The following RUBCNL variants were observed in gnomAD, a reference collection of about 807,000 sequenced individuals.
The protein encoded by RUBCNL is protein associated with UVRAG as autophagy enhancer.
A neutral mutation model predicts 69.5 loss-of-function variants in RUBCNL; 62 were observed. The observed-to-expected ratio is 0.89, with a 90% CI of 0.73 to 1.10. The LOEUF (loss-of-function observed/expected upper bound fraction) is 1.10, where lower values mean the gene tolerates loss of function less well. RUBCNL is among the 50% of genes least tolerant of loss of function. The pLI is 0.00. For missense variants in RUBCNL, 768 were observed against 798.1 expected, an observed-to-expected ratio of 0.96 and a Z score of 0.45; for synonymous variants, 291 against 303.6, an observed-to-expected ratio of 0.96 and a Z score of 0.43.
chr13:46,342,798 C>G lies in RUBCNL; in HGVS notation c.*587G>C, dbSNP rs74338019. On this transcript the variant is annotated 3_prime_UTR_variant, in exon 15 of 15. Transcript: ENST00000429979. ...AAACTGCACTTCAACGGGACCCACA[C>G]GCCCTGCTAAGCAACTCAAACTCAT... 6.6e-6 allele frequency: 1 copy of G among 152,414 alleles called. No individual in the cohort carries two copies. 9.4% of individuals were successfully genotyped at this position (152,414 alleles called of 1,614,324 possible).
At chr13:46,368,619 A>T in intron 4 of RUBCNL, 114 bp downstream of exon 4, 1 of 1,303,494 alleles carries the variant, frequency 7.7e-7, no homozygotes, top group Non-Finnish European at 1.1e-6. Flanking sequence ...TCAAATGCTG[A>T]AAGGAAACCT....
At chr13:46,377,355 G>A (rs1264020957) in intron 2 of RUBCNL, among the ~76,000 whole-genome samples, 3 of 152,088 alleles carry the variant, frequency 2.0e-5, no homozygotes, top group African/African-American at 7.2e-5. Flanking sequence ...CCTCTGCCTC[G>A]TGGATTCAAG....
At chr13:46,386,791 G>A (rs929625254) in intron 1 of RUBCNL, among the ~76,000 whole-genome samples, 1 of 152,172 alleles carries the variant, frequency 6.6e-6, no homozygotes, top group African/African-American at 2.4e-5. Context: ...GAGGACGCAG[G>A]GCGCAGGCTT....
chr13:46,377,928 A>C lies in RUBCNL; in HGVS notation c.-161T>G. 6.2e-7 allele frequency: 1 copy of C among 1,610,096 alleles called. No individual in the cohort carries two copies. The highest frequency in any genetic ancestry group is 8.5e-7 in the Non-Finnish European group (1 of 1,178,546). On this transcript the variant is annotated 5_prime_UTR_variant, in exon 2 of 15. Transcript: ENST00000429979. ...TTCTCGAAGAGGCAGATTGACACAG[A>C]GGAGAAAGTAATGATTGGAAACCAT...
Position 46,362,612 on chromosome 13 carries a change from A to G in RUBCNL, c.926-14T>C, listed in dbSNP as rs2048639822. On this transcript the variant is annotated splice_polypyrimidine_tract_variant and intron_variant, in intron 6 of 14. Transcript: ENST00000429979. ...AATCTCCAAGCTCTGTGGGAAAATA[A>G]AAGAAAGAGTGGTGAGGTCTTTTAG... 1.3e-6 allele frequency: 2 copies of G among 1,594,198 alleles called. No homozygotes were observed. The highest frequency in any genetic ancestry group is 2.7e-5 in the African/African-American group (2 of 74,468).
intron 3 of RUBCNL, 60 bp from the exon 4 acceptor site, chr13:46,368,875 A>G (rs1281651307): frequency 2.5e-6 from 3 of 1,204,388 alleles, no homozygotes; most frequent in East Asian, 4.7e-5. Context: ...TACCTAATAA[A>G]ATAAAACAAT....
intron 10 of RUBCNL, among the ~76,000 whole-genome samples, chr13:46,353,586 T>C (rs1332832672): frequency 1.3e-5 from 2 of 152,216 alleles, no homozygotes. Flanking sequence ...CAGTGGCCAC[T>C]GGGAGCTGCT....
At chr13:46,381,575 T>C (rs138784298) in intron 1 of RUBCNL, among the ~76,000 whole-genome samples, 2 of 152,224 alleles carry the variant, frequency 1.3e-5, no homozygotes, top group East Asian at 3.9e-4. Context: ...TGTACACTTT[T>C]TTTCCTTTTC....
chr13:46,369,519 T>C (rs1238707219), intron 3 of RUBCNL, among the ~76,000 whole-genome samples: 1 of 152,152 alleles, frequency 6.6e-6, no homozygotes, highest in African/African-American at 2.4e-5. Context: ...CACCCAGCCC[T>C]AAACCTCCTG....
chr13:46,362,949 T>TATATATAC lies in RUBCNL; in HGVS notation c.925+165_925+166insGTATATAT, dbSNP rs1555253812. ...ATATATATATATATAGATATATATA[T>TATATATAC]ATATATATATATATATATATATATA... On this transcript the variant is annotated intron_variant, in intron 6 of 14. Transcript: ENST00000429979. Among the ~76,000 whole-genome samples the TATATATAC allele has an allele frequency of 1.4e-4, 9 of 63,496 alleles. 1 individual carries two copies. Among genetic ancestry groups the TATATATAC allele is most frequent in the African/African-American group, 8.9e-4 (9 of 10,142 alleles). 41.7% of individuals were successfully genotyped at this position (63,496 alleles called of 152,430 possible). A position where few individuals can be genotyped will look rare whatever the true frequency, so the allele number is the denominator to read the frequency against.
chr13:46,376,779 C>G (rs1157430825), intron 2 of RUBCNL, among the ~76,000 whole-genome samples: 2 of 152,134 alleles, frequency 1.3e-5, no homozygotes, highest in East Asian at 1.9e-4. Flanking sequence ...TATTTCAGAC[C>G]AGAAGATATG....
rs2048899431 is a variant in RUBCNL, at chr13:46,372,407, A to G, written c.69T>C (p.Ser23=). 6.2e-7 allele frequency: 1 copy of G among 1,613,532 alleles called. No individual in the cohort carries two copies. The highest frequency in any genetic ancestry group is 8.5e-7 in the Non-Finnish European group (1 of 1,179,704). The change falls in exon 3 of 15, where the codon TCT becomes TCC. Residue 23 remains serine, a synonymous_variant. Transcript: ENST00000429979. ...GTCTGGGCGAACCATCAATAATGCC[A>G]GAGTGATCGCTGATCCCTTCCCAGG... ...VEPWEGISDH[S]GIIDGSPRLL...
In RUBCNL at chr13:46,349,280, T is replaced by C. The variant is rs780912233; in HGVS notation, c.1631+6A>G. On this transcript the variant is annotated splice_donor_region_variant and intron_variant, in intron 12 of 14. Transcript: ENST00000429979. Reference sequence around the variant, plus strand: ...GAAGGCAGCCTGTCCCAGCTGAGAATAGTACCTGTTAGCAAACCTACAGGT... The same window carrying C: ...GAAGGCAGCCTGTCCCAGCTGAGAACAGTACCTGTTAGCAAACCTACAGGT... The C allele has an allele frequency of 5.0e-6, 8 of 1,612,960 alleles. No homozygotes were observed. The highest frequency in any genetic ancestry group is 1.7e-5 in the Admixed American group (1 of 59,944).
At chr13:46,343,611 T>C in intron 14 of RUBCNL, 114 bp from the exon 15 acceptor site, 1 of 1,131,054 alleles carries the variant, frequency 8.8e-7, no homozygotes, top group Non-Finnish European at 1.2e-6. Context: ...GAGCCCAGAG[T>C]CTTCTAAAAA....
rs1199330759 is a variant in RUBCNL, at chr13:46,335,257, G to GTTTT, written c.*8127_*8128insAAAA. Among the ~76,000 whole-genome samples, 46 of 98,584 alleles carry GTTTT rather than the reference G, an allele frequency of 4.7e-4. No individual in the cohort carries two copies. The highest frequency in any genetic ancestry group is 1.8e-3 in the African/African-American group (45 of 25,304). 64.7% of individuals were successfully genotyped at this position (98,584 alleles called of 152,430 possible). On this transcript the variant is annotated 3_prime_UTR_variant, in exon 15 of 15. Transcript: ENST00000429979. ...TTTGTGTCTTTTTGTTGTTGTTGTTGTTGTTTTTTTTTTTTTTTTTTTTTT... is the reference window on the plus strand; with the variant it reads ...TTTGTGTCTTTTTGTTGTTGTTGTTGTTTTTTGTTTTTTTTTTTTTTTTTTTTTT...
Position 46,368,128 on chromosome 13 carries a change from C to T in RUBCNL, c.740G>A (p.Ser247Asn), listed in dbSNP as rs1381799241. 2 of 1,613,878 alleles carry T rather than the reference C, an allele frequency of 1.2e-6. No individual in the cohort carries two copies. The highest frequency in any genetic ancestry group is 2.7e-5 in the African/African-American group (2 of 74,924). Residue 247 changes from serine to asparagine, a missense_variant, in exon 5 of 15, where the codon AGT (serine) becomes AAT (asparagine). Transcript: ENST00000429979. ...AGTCATTTCAGAGTCAGGCTGATCACTCCCAAGTAACCCACTGACTTCTTT... is the reference window on the plus strand; with the variant it reads ...AGTCATTTCAGAGTCAGGCTGATCATTCCCAAGTAACCCACTGACTTCTTT... Reference protein sequence around the residue: ...WSKEVSGLLGSDQPDSEMTFD... With the variant: ...WSKEVSGLLGNDQPDSEMTFD...
rs188144093 is a variant in RUBCNL, at chr13:46,337,639, C to A, written c.*5746G>T. Among the ~76,000 whole-genome samples, 661 of 152,268 alleles carry A rather than the reference C, an allele frequency of 4.3e-3. 6 individuals carry two copies. The highest frequency in any genetic ancestry group is 0.015 in the African/African-American group (621 of 41,542). On this transcript the variant is annotated 3_prime_UTR_variant, in exon 15 of 15. Coordinates refer to ENST00000429979, the MANE Select transcript of RUBCNL (RefSeq NM_025113.5). The stretch of plus-strand genomic sequence containing the variant: ...CCTAGCGTAAGGTATTTTATTATAG[C>A]AGCCTAAACAGACTACGACAGTGAC...
intron 1 of RUBCNL, among the ~76,000 whole-genome samples, chr13:46,379,051 A>AC (rs1191395503): frequency 1.3e-5 from 2 of 151,800 alleles, no homozygotes; most frequent in Non-Finnish European, 2.9e-5. Context: ...AATGACTAGT[A>AC]CCCCCCAGAA....
At chr13:46,360,013 C>T (rs931388782) in intron 8 of RUBCNL, among the ~76,000 whole-genome samples, 8 of 152,200 alleles carry the variant, frequency 5.3e-5, no homozygotes, top group African/African-American at 1.9e-4. Flanking sequence ...CCAGAAACAG[C>T]TCTATTAAGA....
Sources: allele counts gnomAD v4.1 joint callset (sites outside exome capture counted in the v4.1 genomes callset), GRCh38; gene constraint gnomAD v4.1.1; transcripts MANE v1.5; gene names NCBI Gene and HGNC (gene_info 2026-07-23, HGNC 2026-07-21).